The following RALYL variants were observed in gnomAD, a reference collection of about 807,000 sequenced individuals.
RALYL encodes the protein RNA-binding Raly-like protein.
Under a neutral mutation model 35.1 loss-of-function variants are expected in RALYL, and 29 were observed. That is an observed-to-expected ratio of 0.83 (90% CI 0.61 to 1.13). RALYL has a LOEUF of 1.13. Ranked by LOEUF, RALYL falls within the 50% of genes most tolerant of loss-of-function variation. The pLI is 0.00. For synonymous variants in RALYL, 120 were observed against 127.6 expected, an observed-to-expected ratio of 0.94 and a Z score of 0.40; for missense variants, 359 against 360.4, an observed-to-expected ratio of 1.00 and a Z score of 0.03.
chr8:84,541,286 G>A (rs570308233), intron 2 of RALYL, among the ~76,000 whole-genome samples: 1 of 151,834 alleles, frequency 6.6e-6, no homozygotes, highest in South Asian at 2.1e-4. Flanking sequence ...ACATGTTCTA[G>A]TATGTCATAT....
At chr8:84,392,538 C>T (rs2069253712) in intron 1 of RALYL, among the ~76,000 whole-genome samples, 1 of 151,960 alleles carries the variant, frequency 6.6e-6, no homozygotes, top group African/African-American at 2.4e-5. Context: ...AAAAATACAT[C>T]TCTGTATGTG....
chr8:84,799,819 G>A (rs1482220372), intron 3 of RALYL, among the ~76,000 whole-genome samples: 1 of 152,156 alleles, frequency 6.6e-6, no homozygotes, highest in Non-Finnish European at 1.5e-5. Context: ...AACCAGGCGT[G>A]GTGGCAGGCA....
chr8:84,267,581 T>C (rs547710191), intron 1 of RALYL, among the ~76,000 whole-genome samples: 1 of 152,362 alleles, frequency 6.6e-6, no homozygotes, highest in East Asian at 1.9e-4. Context: ...CTTCTGCCTA[T>C]GTTACGCCAT....
chr8:84,596,287 A>T (rs1814514219), intron 2 of RALYL, among the ~76,000 whole-genome samples: 1 of 152,018 alleles, frequency 6.6e-6, no homozygotes, highest in Non-Finnish European at 1.5e-5. Flanking sequence ...TCTATACTTC[A>T]GTTGGTCCAT....
intron 2 of RALYL, among the ~76,000 whole-genome samples, chr8:84,725,973 A>C (rs1162446747): frequency 6.6e-6 from 1 of 151,556 alleles, no homozygotes. Context: ...CTTTATAAGC[A>C]ACTGTTTATA....
At chr8:84,449,209 T>C (rs2049185497) in intron 1 of RALYL, among the ~76,000 whole-genome samples, 1 of 151,964 alleles carries the variant, frequency 6.6e-6, no homozygotes, top group South Asian at 2.1e-4. Flanking sequence ...TTTTATTTTT[T>C]TCTTTTAGTT....
Position 84,483,697 on chromosome 8 carries a change from A to G in RALYL, c.-23-45602A>G, listed in dbSNP as rs550033876. Among the ~76,000 whole-genome samples, 10 of 152,256 alleles carry G rather than the reference A, an allele frequency of 6.6e-5. No homozygotes were observed. In the East Asian group the frequency reaches 9.6e-4, roughly 15 times the overall value. On this transcript the variant is annotated intron_variant, in intron 1 of 8. Coordinates refer to ENST00000521268, the MANE Select transcript of RALYL (RefSeq NM_173848.7). ...TTGGGAGGGCAGATATTATCAAACT[A>G]CAACAGAGATATAGAAGCTATTGTG...
At chr8:84,389,237 T>C (rs1860010965) in intron 1 of RALYL, among the ~76,000 whole-genome samples, 1 of 152,194 alleles carries the variant, frequency 6.6e-6, no homozygotes, top group African/African-American at 2.4e-5. Flanking sequence ...GCTGTTTTGG[T>C]TACTGTAGCC....
chr8:84,727,194 C>T lies in RALYL; in HGVS notation c.257-47385C>T, dbSNP rs1589223430. Among the ~76,000 whole-genome samples, 5 of 151,892 alleles carry T rather than the reference C, an allele frequency of 3.3e-5. No homozygotes were observed. The South Asian group carries it at 8.3e-4, about 25-fold the overall frequency. On this transcript the variant is annotated intron_variant, in intron 2 of 8. Transcript: ENST00000521268. ...TTCAACAGTATACTTAGAAGCGTGA[C>T]ATTCATGCCAAGATAATGTTATCAA... is the stretch of plus-strand genomic sequence containing the variant.
At chr8:84,881,461 G>C (rs1396237086) in intron 7 of RALYL, among the ~76,000 whole-genome samples, 1 of 151,924 alleles carries the variant, frequency 6.6e-6, no homozygotes, top group Admixed American at 6.6e-5. Flanking sequence ...AAGCCAGCAT[G>C]TCAAAAAACT....
intron 1 of RALYL, among the ~76,000 whole-genome samples, chr8:84,511,944 G>T (rs1587882420): frequency 6.6e-6 from 1 of 152,164 alleles, no homozygotes; most frequent in East Asian, 1.9e-4. Flanking sequence ...TTCATCTCTT[G>T]CTAGACACTT....
At chr8:84,470,308 C>G (rs1186495734) in intron 1 of RALYL, among the ~76,000 whole-genome samples, 1 of 152,084 alleles carries the variant, frequency 6.6e-6, no homozygotes, top group African/African-American at 2.4e-5. Context: ...AAATATTTTT[C>G]TATTTATTTC....
intron 1 of RALYL, among the ~76,000 whole-genome samples, chr8:84,394,365 TAG>T (rs1243783753): frequency 6.6e-6 from 1 of 152,104 alleles, no homozygotes; most frequent in Admixed American, 6.6e-5. Flanking sequence ...TTGAAAATGA[TAG>T]TAGTTTACAA....
chr8:84,548,592 T>C (rs1427233940), intron 2 of RALYL, among the ~76,000 whole-genome samples: 1 of 152,214 alleles, frequency 6.6e-6, no homozygotes, highest in East Asian at 1.9e-4. Context: ...ATTCCTGTTG[T>C]ACATCTTAAA....
At chr8:84,899,683 C>T (rs2135545573) in intron 8 of RALYL, among the ~76,000 whole-genome samples, 1 of 152,292 alleles carries the variant, frequency 6.6e-6, no homozygotes, top group African/African-American at 2.4e-5. Flanking sequence ...AAAACCAACA[C>T]ATCAAAGTCA....
chr8:84,277,209 A>C (rs1563654885), intron 1 of RALYL, among the ~76,000 whole-genome samples: 1 of 152,224 alleles, frequency 6.6e-6, no homozygotes, highest in Non-Finnish European at 1.5e-5. Flanking sequence ...GGGAGGCCTC[A>C]CAGTCATGGT....
intron 1 of RALYL, among the ~76,000 whole-genome samples, chr8:84,444,851 A>T (rs968638745): frequency 1.3e-5 from 2 of 152,118 alleles, no homozygotes; most frequent in African/African-American, 4.8e-5. Context: ...TCAGAAATGG[A>T]TATGAGAACT....
intron 2 of RALYL, among the ~76,000 whole-genome samples, chr8:84,715,638 G>A (rs964746248): frequency 6.6e-6 from 1 of 151,992 alleles, no homozygotes; most frequent in Non-Finnish European, 1.5e-5. Flanking sequence ...GGAATGAAAG[G>A]TTTCCAGAAC....
At chr8:84,405,854 C>G (rs2043426851) in intron 1 of RALYL, among the ~76,000 whole-genome samples, 1 of 113,230 alleles carries the variant, frequency 8.8e-6, no homozygotes, top group African/African-American at 3.6e-5. Flanking sequence ...GAGACAGAGT[C>G]TTGCTCTGTC....
Sources: gnomAD v4.1 joint callset for allele counts (sites outside exome capture counted in the v4.1 genomes callset) on GRCh38, gnomAD v4.1.1 for gene constraint, MANE v1.5 for transcripts, NCBI Gene and HGNC (gene_info 2026-07-23, HGNC 2026-07-21) for gene names.